CRADD: variants seen among roughly 807,000 people sequenced by gnomAD.
The protein encoded by CRADD is death domain-containing protein CRADD.
A neutral mutation model predicts 15.5 loss-of-function variants in CRADD; 9 were observed. That is an observed-to-expected ratio of 0.58 (90% CI 0.35 to 1.01). CRADD has a LOEUF of 1.01. Among genes scored for constraint, CRADD ranks in the 50% least tolerant of loss-of-function variants. The pLI, the probability that CRADD is intolerant of heterozygous loss-of-function variation, is 0.02. For missense variants in CRADD, 227 were observed against 250.3 expected, an observed-to-expected ratio of 0.91 and a Z score of 0.63; for synonymous variants, 118 against 107.6, an observed-to-expected ratio of 1.10 and a Z score of -0.60.
intron 2 of CRADD, among the ~76,000 whole-genome samples, chr12:93,716,507 A>G (rs151068531): frequency 6.6e-6 from 1 of 152,342 alleles, no homozygotes; most frequent in Non-Finnish European, 1.5e-5. Context: ...TCACTGCCCT[A>G]AAAATTCTCT....
chr12:93,717,011 C>G (rs910411380), intron 2 of CRADD, among the ~76,000 whole-genome samples: 4 of 152,192 alleles, frequency 2.6e-5, no homozygotes, highest in African/African-American at 9.7e-5. Context: ...AATGAGAGTT[C>G]CTGTTGCATC....
intron 2 of CRADD, among the ~76,000 whole-genome samples, chr12:93,878,907 T>G (rs749719853): frequency 3.9e-5 from 6 of 152,232 alleles, no homozygotes; most frequent in Non-Finnish European, 8.8e-5. Context: ...AAGTGTTTTT[T>G]TTCTGCGTAG....
intron 2 of CRADD, among the ~76,000 whole-genome samples, chr12:93,742,822 G>C (rs917521698): frequency 1.3e-5 from 2 of 152,100 alleles, no homozygotes; most frequent in African/African-American, 4.8e-5. Flanking sequence ...TTGTTTTGAA[G>C]GGGCGAGTCA....
intron 2 of CRADD, among the ~76,000 whole-genome samples, chr12:93,766,767 A>G (rs1957030702): frequency 6.6e-6 from 1 of 152,240 alleles, no homozygotes; most frequent in Non-Finnish European, 1.5e-5. Flanking sequence ...GCTGGAAGAT[A>G]AAGAGTCAGA....
intron 2 of CRADD, among the ~76,000 whole-genome samples, chr12:93,756,453 A>T (rs1956891073): frequency 6.6e-6 from 1 of 152,328 alleles, no homozygotes; most frequent in Non-Finnish European, 1.5e-5. Flanking sequence ...GGTGAACTGG[A>T]CCAGACCACT....
intron 2 of CRADD, among the ~76,000 whole-genome samples, chr12:93,714,084 CAT>C (rs1386257701): frequency 6.6e-6 from 1 of 152,128 alleles, no homozygotes; most frequent in East Asian, 1.9e-4. Flanking sequence ...CGAACGAAGA[CAT>C]AGAAAAAGCA....
At chr12:93,728,877 A>G (rs1036897571) in intron 2 of CRADD, among the ~76,000 whole-genome samples, 2 of 152,242 alleles carry the variant, frequency 1.3e-5, no homozygotes, top group African/African-American at 4.8e-5. Context: ...TATTGCATTT[A>G]TTGAAATAAA....
chr12:93,741,371 G>A (rs1472838322), intron 2 of CRADD, among the ~76,000 whole-genome samples: 1 of 152,150 alleles, frequency 6.6e-6, no homozygotes, highest in African/African-American at 2.4e-5. Context: ...TTATTTTCCA[G>A]TTTACTAGAA....
rs528162738 is a variant in CRADD, at chr12:93,686,143, T to C, written c.298+7071T>C. 1.1e-4 allele frequency among the ~76,000 whole-genome samples: 16 copies of C among 149,910 alleles called. No homozygotes were observed. In the East Asian group the frequency reaches 2.2e-3, roughly 20 times the overall value. ...GGTGAAACCCCATTTTTACTAAAAATACAAAAAATTAACCGGGTGTGGTGG... is the reference window on the plus strand; with the variant it reads ...GGTGAAACCCCATTTTTACTAAAAACACAAAAAATTAACCGGGTGTGGTGG... On this transcript the variant is annotated intron_variant, in intron 2 of 2. Transcript: ENST00000332896.
At chr12:93,680,658 T>C (rs1381383707) in intron 2 of CRADD, among the ~76,000 whole-genome samples, 1 of 152,232 alleles carries the variant, frequency 6.6e-6, no homozygotes, top group African/African-American at 2.4e-5. Context: ...TAGATGTTTT[T>C]ATGACTTTAT....
At chr12:93,767,033 A>G (rs981055995) in intron 2 of CRADD, among the ~76,000 whole-genome samples, 1 of 152,210 alleles carries the variant, frequency 6.6e-6, no homozygotes, top group African/African-American at 2.4e-5. Context: ...TCCCTCTCAC[A>G]TGTACCCAAC....
chr12:93,873,943 G>A (rs954402408), intron 2 of CRADD, among the ~76,000 whole-genome samples: 1 of 151,804 alleles, frequency 6.6e-6, no homozygotes, highest in Non-Finnish European at 1.5e-5. Flanking sequence ...TGGTATCAAG[G>A]TAATACTGGC....
chr12:93,750,043 T>C (rs1264394871), intron 2 of CRADD, among the ~76,000 whole-genome samples: 1 of 152,234 alleles, frequency 6.6e-6, no homozygotes, highest in Non-Finnish European at 1.5e-5. Flanking sequence ...ATTATGTTCC[T>C]GCCCTTAAGC....
intron 2 of CRADD, among the ~76,000 whole-genome samples, chr12:93,786,061 G>A (rs1307635921): frequency 2.0e-5 from 3 of 152,182 alleles, no homozygotes; most frequent in Non-Finnish European, 2.9e-5. Flanking sequence ...ATTAACTGCC[G>A]GGCCTATGAA....
chr12:93,803,543 TA>T (rs1020078392), intron 2 of CRADD, among the ~76,000 whole-genome samples: 5 of 152,064 alleles, frequency 3.3e-5, no homozygotes, highest in East Asian at 1.9e-4. Context: ...TAAGCGTCTT[TA>T]AAAAAAACTG....
At chr12:93,742,620 C>G (rs1005248305) in intron 2 of CRADD, among the ~76,000 whole-genome samples, 3 of 152,198 alleles carry the variant, frequency 2.0e-5, no homozygotes, top group Admixed American at 1.3e-4. Context: ...AGCTCCATCT[C>G]CAGGAAACAA....
intron 2 of CRADD, among the ~76,000 whole-genome samples, chr12:93,702,804 G>C (rs1388007061): frequency 6.6e-6 from 1 of 151,962 alleles, no homozygotes; most frequent in Non-Finnish European, 1.5e-5. Flanking sequence ...CAGGTGCTCT[G>C]GTGGTCCCGT....
At chr12:93,744,512 C>T (rs1956725071) in intron 2 of CRADD, among the ~76,000 whole-genome samples, 1 of 152,164 alleles carries the variant, frequency 6.6e-6, no homozygotes, top group African/African-American at 2.4e-5. Flanking sequence ...TATTAGTAAC[C>T]TTAATCACAC....
intron 2 of CRADD, among the ~76,000 whole-genome samples, chr12:93,715,836 T>A (rs1485843139): frequency 6.6e-6 from 1 of 152,080 alleles, no homozygotes; most frequent in Admixed American, 6.5e-5. Context: ...AAAGAAGTAA[T>A]CTGAAGTAGA....
Sources: allele counts gnomAD v4.1 joint callset (sites outside exome capture counted in the v4.1 genomes callset), GRCh38; gene constraint gnomAD v4.1.1; transcripts MANE v1.5; gene names NCBI Gene and HGNC (gene_info 2026-07-23, HGNC 2026-07-21).